DIAPH3: variants seen among roughly 807,000 people sequenced by gnomAD.
DIAPH3 encodes protein diaphanous homolog 3.
A neutral mutation model predicts 144.3 loss-of-function variants in DIAPH3; 117 were observed. That is an observed-to-expected ratio of 0.81 (90% CI 0.70 to 0.95). DIAPH3 has a LOEUF of 0.95. DIAPH3 is among the 40% of genes least tolerant of loss of function. DIAPH3 has a pLI of 0.00. For synonymous variants in DIAPH3, 519 were observed against 488.9 expected (o/e 1.06, Z -0.81); for missense variants, 1,421 against 1,412.7 (o/e 1.01, Z -0.09).
intron 27 of DIAPH3, among the ~76,000 whole-genome samples, chr13:59,741,285 C>CA (rs1207475950): frequency 6.6e-6 from 1 of 151,878 alleles, no homozygotes; most frequent in African/African-American, 2.4e-5. Context: ...AACACATAAA[C>CA]AAAAAATCTG....
intron 25 of DIAPH3, among the ~76,000 whole-genome samples, chr13:59,785,124 T>C (rs900711261): frequency 6.6e-6 from 1 of 152,154 alleles, no homozygotes; most frequent in African/African-American, 2.4e-5. Context: ...CGATTTTCAT[T>C]GGGATTTAAC....
intron 20 of DIAPH3, among the ~76,000 whole-genome samples, chr13:59,907,002 A>G (rs1245219200): frequency 6.6e-6 from 1 of 152,218 alleles, no homozygotes; most frequent in Non-Finnish European, 1.5e-5. Flanking sequence ...ATCGGAATCA[A>G]CCCTTGGTAA....
intron 27 of DIAPH3, among the ~76,000 whole-genome samples, chr13:59,674,394 C>G (rs1352205519): frequency 6.6e-6 from 1 of 152,136 alleles, no homozygotes; most frequent in Non-Finnish European, 1.5e-5. Flanking sequence ...AGTCCTCAGA[C>G]TCCTGGTTAA....
At chr13:59,844,782 C>T (rs1407204186) in intron 22 of DIAPH3, among the ~76,000 whole-genome samples, 1 of 152,144 alleles carries the variant, frequency 6.6e-6, no homozygotes, top group Non-Finnish European at 1.5e-5. Flanking sequence ...CAGATGACAT[C>T]TCTCAGTCAC....
In DIAPH3 at chr13:59,790,215, T is replaced by C. The variant is rs769891133; in HGVS notation, c.3164-15392A>G. 9.9e-5 allele frequency among the ~76,000 whole-genome samples: 15 copies of C among 152,170 alleles called. 1 individual carries two copies. Among genetic ancestry groups the C allele is most frequent in the South Asian group, 2.1e-4 (1 of 4,834 alleles). ...ATGAAATTGCTTAATACTGAGGCAA[T>C]AGAGGTGAAGAGCTATAGCTATGGT... On this transcript the variant is annotated intron_variant, in intron 25 of 27. Transcript: ENST00000400324.
intron 12 of DIAPH3, among the ~76,000 whole-genome samples, chr13:59,985,123 C>G (rs1434703408): frequency 3.3e-4 from 47 of 141,420 alleles, no homozygotes; most frequent in Admixed American, 1.2e-3. Flanking sequence ...GCTTATCCAC[C>G]ATGATCAAGT....
chr13:59,678,507 G>A (rs1279260090), intron 27 of DIAPH3, among the ~76,000 whole-genome samples: 1 of 152,046 alleles, frequency 6.6e-6, no homozygotes, highest in Admixed American at 6.6e-5. Flanking sequence ...AGATAACCTA[G>A]GAAGAAATAT....
At chr13:59,898,134 C>CAAAAAAAAAAAAAAAAAAAAAAAAAAA (rs34238599) in intron 20 of DIAPH3, among the ~76,000 whole-genome samples, 18 of 72,196 alleles carry the variant, frequency 2.5e-4, no homozygotes, top group Admixed American at 4.1e-4. Context: ...GACTCTGCCT[C>CAAAAAAAAAAAAAAAAAAAAAAAAAAA]AAAAAAAAAA....
At chr13:59,755,171 AATT>A (rs1206956324) in intron 27 of DIAPH3, among the ~76,000 whole-genome samples, 3 of 152,152 alleles carry the variant, frequency 2.0e-5, no homozygotes, top group African/African-American at 7.2e-5. Flanking sequence ...ACTTATTTTC[AATT>A]ATTTAGAAGT....
At chr13:59,855,812 T>A (rs1185058934) in intron 22 of DIAPH3, among the ~76,000 whole-genome samples, 1 of 151,850 alleles carries the variant, frequency 6.6e-6, no homozygotes, top group African/African-American at 2.4e-5. Context: ...GTGTTACTAA[T>A]GTTTATCAGT....
At chr13:59,970,239 T>C (rs1422719877) in intron 16 of DIAPH3, among the ~76,000 whole-genome samples, 181 bp from the exon 17 acceptor site, 2 of 152,184 alleles carry the variant, frequency 1.3e-5, no homozygotes, top group Non-Finnish European at 2.9e-5. Flanking sequence ...AAGGTCTTAT[T>C]AGGAAGAAAA....
intron 4 of DIAPH3, among the ~76,000 whole-genome samples, chr13:60,048,985 T>A (rs2056210359): frequency 1.3e-5 from 2 of 152,232 alleles, no homozygotes. Context: ...ATCTACGATG[T>A]ATGGAATACC....
rs187437690 is a variant in DIAPH3 at position 59,724,836 on chromosome 13, A to C, written c.3319+49353T>G. Among the ~76,000 whole-genome samples the C allele has an allele frequency of 7.9e-5, 12 of 152,328 alleles. No individual in the cohort carries two copies. The East Asian group carries it at 2.1e-3, about 27-fold the overall frequency. ...GTACTTTGTTTACTTTAATTCTTCT[A>C]TAAGTTCAAAATTTGGCTATATGAG... On this transcript the variant is annotated intron_variant, in intron 27 of 27. Coordinates refer to ENST00000400324, the MANE Select transcript of DIAPH3 (RefSeq NM_001042517.2).
chr13:60,138,814 G>T (rs1398105888), intron 1 of DIAPH3, among the ~76,000 whole-genome samples: 1 of 134,126 alleles, frequency 7.5e-6, no homozygotes. Flanking sequence ...AGAGGGAAGA[G>T]GGAAGAGGGG....
chr13:60,142,605 G>C (rs2059447917), intron 1 of DIAPH3, among the ~76,000 whole-genome samples: 1 of 152,122 alleles, frequency 6.6e-6, no homozygotes, highest in Non-Finnish European at 1.5e-5. Flanking sequence ...ACGTGTGCGA[G>C]TCCCAGCAAC....
At chr13:59,892,172 A>G (rs1009680168) in intron 20 of DIAPH3, among the ~76,000 whole-genome samples, 9 of 152,116 alleles carry the variant, frequency 5.9e-5, no homozygotes, top group South Asian at 2.1e-4. Flanking sequence ...AATGAAAAAG[A>G]GGGTAACATA....
chr13:59,810,984 TTATC>T, intron 24 of DIAPH3, 61 bp from the exon 25 acceptor site: 2 of 1,466,232 alleles, frequency 1.4e-6, no homozygotes, highest in Non-Finnish European at 1.9e-6. Flanking sequence ...AAATGGAAAG[TTATC>T]TATTTGAAAA....
chr13:59,724,109 T>C (rs2035492761), intron 27 of DIAPH3, among the ~76,000 whole-genome samples: 1 of 151,970 alleles, frequency 6.6e-6, no homozygotes, highest in Admixed American at 6.6e-5. Flanking sequence ...TAAAATAATA[T>C]AAAAAATGAG....
rs552432027 is a variant in DIAPH3 at position 60,045,248 on chromosome 13, G to A, written c.496-2428C>T. Among the ~76,000 whole-genome samples the A allele has an allele frequency of 1.8e-3, 268 of 152,160 alleles. 1 individual carries two copies. Among genetic ancestry groups the A allele is most frequent in the Middle Eastern group, 3.4e-3 (1 of 294 alleles). On this transcript the variant is annotated intron_variant, in intron 4 of 27. Transcript: ENST00000400324. Reference sequence around the variant, plus strand: ...CCAGCTATTCAGGAGGCTGAGGCAGGAGAATCGCTTGAACCCGGGAGGTGA... The same window carrying A: ...CCAGCTATTCAGGAGGCTGAGGCAGAAGAATCGCTTGAACCCGGGAGGTGA...
Sources: allele counts gnomAD v4.1 joint callset (sites outside exome capture counted in the v4.1 genomes callset), GRCh38; gene constraint gnomAD v4.1.1; transcripts MANE v1.5; gene names NCBI Gene and HGNC (gene_info 2026-07-23, HGNC 2026-07-21).